The following NALF1 variants were observed in gnomAD, a reference collection of about 807,000 sequenced individuals.
The protein encoded by NALF1 is family with sequence similarity 155 member A.
NALF1 carries 3 observed loss-of-function variants against 48.4 expected under a neutral mutation model. The observed-to-expected ratio is 0.06, with a 90% CI of 0.03 to 0.16. The LOEUF (loss-of-function observed/expected upper bound fraction) is 0.16. NALF1 is among the 10% of genes least tolerant of loss of function. NALF1 has a pLI of 1.00. For synonymous variants in NALF1, 262 were observed against 245.7 expected (o/e 1.07, Z -0.62); for missense variants, 526 against 571.5 (o/e 0.92, Z 0.81).
chr13:107,643,940 T>TC (rs1880233770), intron 1 of NALF1, among the ~76,000 whole-genome samples: 1 of 149,756 alleles, frequency 6.7e-6, no homozygotes, highest in African/African-American at 2.5e-5. Flanking sequence ...CTGAAACTCC[T>TC]CCTGCCACTG....
chr13:107,762,675 G>C (rs1474707829), intron 1 of NALF1, among the ~76,000 whole-genome samples: 3 of 152,136 alleles, frequency 2.0e-5, no homozygotes, highest in Non-Finnish European at 4.4e-5. Flanking sequence ...GGGCTGGAGG[G>C]AGGACATACA....
intron 1 of NALF1, among the ~76,000 whole-genome samples, chr13:107,544,107 G>C (rs1877071203): frequency 6.6e-6 from 1 of 152,068 alleles, no homozygotes; most frequent in African/African-American, 2.4e-5. Flanking sequence ...GAATTAATGA[G>C]ATAATTGAAA....
intron 1 of NALF1, among the ~76,000 whole-genome samples, chr13:107,398,182 C>A (rs897228281): frequency 6.6e-6 from 1 of 152,112 alleles, no homozygotes; most frequent in Admixed American, 6.6e-5. Flanking sequence ...GAATCTTGCT[C>A]CTTGCAAAAC....
At chr13:107,580,216 A>C (rs1007552865) in intron 1 of NALF1, among the ~76,000 whole-genome samples, 3 of 152,166 alleles carry the variant, frequency 2.0e-5, no homozygotes, top group Non-Finnish European at 2.9e-5. Context: ...CAAACACCGC[A>C]TATTCTCACT....
intron 1 of NALF1, among the ~76,000 whole-genome samples, chr13:107,612,165 G>A (rs1353180839): frequency 2.2e-5 from 3 of 139,128 alleles, no homozygotes; most frequent in Non-Finnish European, 3.1e-5. Context: ...GAGGGAGAGA[G>A]GAAGGAAGGA....
intron 1 of NALF1, among the ~76,000 whole-genome samples, chr13:107,496,981 C>T (rs1875360219): frequency 6.6e-6 from 1 of 152,104 alleles, no homozygotes; most frequent in African/African-American, 2.4e-5. Flanking sequence ...CAGAGCCAAA[C>T]CATATCAGGA....
chr13:107,194,008 TTATCTATCTATCTATC>T (rs71772534), intron 2 of NALF1, among the ~76,000 whole-genome samples: 2,791 of 138,978 alleles, frequency 0.02, 41 homozygotes, highest in Admixed American at 0.027. Flanking sequence ...CCTATCTATC[TTATCTATCTATCTATC>T]TATCTATCTA....
intron 1 of NALF1, among the ~76,000 whole-genome samples, chr13:107,633,463 G>T (rs1245898748): frequency 1.3e-4 from 20 of 151,746 alleles, no homozygotes; most frequent in Admixed American, 1.3e-3. Context: ...TTTTATAGAT[G>T]ATCTTTGTGA....
At chr13:107,341,413 T>C (rs1418449613) in intron 1 of NALF1, among the ~76,000 whole-genome samples, 2 of 151,972 alleles carry the variant, frequency 1.3e-5, no homozygotes, top group Non-Finnish European at 2.9e-5. Context: ...TGCATTGCTG[T>C]TAAGAGGGGA....
chr13:107,667,450 T>G (rs1880888613), intron 1 of NALF1, among the ~76,000 whole-genome samples: 1 of 152,074 alleles, frequency 6.6e-6, no homozygotes, highest in South Asian at 2.1e-4. Context: ...TTCTTTTGGT[T>G]ATTTAAAATT....
At chr13:107,740,371 T>A (rs894455540) in intron 1 of NALF1, among the ~76,000 whole-genome samples, 3 of 152,192 alleles carry the variant, frequency 2.0e-5, no homozygotes, top group Non-Finnish European at 4.4e-5. Flanking sequence ...CTGTGAGGCA[T>A]CTGTTGGTAA....
intron 1 of NALF1, among the ~76,000 whole-genome samples, chr13:107,556,753 T>C (rs1877496218): frequency 6.6e-6 from 1 of 152,158 alleles, no homozygotes; most frequent in Admixed American, 6.5e-5. Context: ...CCCAAAGTAC[T>C]GGGATTACAT....
rs1227740846 is a variant in NALF1 at position 107,164,704 on chromosome 13, C to T, written c.*5793G>A. 1 of 151,918 alleles carries T rather than the reference C, an allele frequency of 6.6e-6. No homozygotes were observed. Among genetic ancestry groups the T allele is most frequent in the African/African-American group, 2.4e-5 (1 of 41,312 alleles). The allele number at this position is 151,918 out of a possible 1,614,324, so 9.4% of individuals were successfully genotyped here. A position where few individuals can be genotyped will look rare whatever the true frequency, so the allele number is the denominator to read the frequency against. Reference sequence around the variant, plus strand: ...TTATATTAAAAGTCATCAGAGCTCACTTTAGTTCTGTAATATATGTTAAGA... The same window carrying T: ...TTATATTAAAAGTCATCAGAGCTCATTTTAGTTCTGTAATATATGTTAAGA... On this transcript the variant is annotated 3_prime_UTR_variant, in exon 3 of 3. Coordinates refer to ENST00000375915, the MANE Select transcript of NALF1 (RefSeq NM_001080396.3).
chr13:107,656,376 A>G (rs1880575538), intron 1 of NALF1, among the ~76,000 whole-genome samples: 1 of 152,162 alleles, frequency 6.6e-6, no homozygotes, highest in Non-Finnish European at 1.5e-5. Flanking sequence ...CCCAAAAAAC[A>G]TATACAAATC....
intron 1 of NALF1, among the ~76,000 whole-genome samples, chr13:107,861,659 C>G (rs1252563594): frequency 1.3e-5 from 2 of 152,158 alleles, no homozygotes; most frequent in African/African-American, 4.8e-5. Context: ...TGGCGCGCAC[C>G]TGTAGTCCCA....
chr13:107,586,503 A>C lies in NALF1; in HGVS notation c.915+279179T>G, dbSNP rs192843564. 1.6e-3 allele frequency among the ~76,000 whole-genome samples: 237 copies of C among 149,858 alleles called. 1 individual carries two copies. The highest frequency in any genetic ancestry group is 5.4e-3 in the African/African-American group (224 of 41,392). ...TATGAGTCCATTTCAAATTTTTTAA[A>C]GGCTATTTAAATAAATCATTGTATT... On this transcript the variant is annotated intron_variant, in intron 1 of 2. Transcript: ENST00000375915.
chr13:107,824,054 C>G (rs1033136271), intron 1 of NALF1, among the ~76,000 whole-genome samples: 2 of 151,786 alleles, frequency 1.3e-5, no homozygotes, highest in African/African-American at 4.8e-5. Flanking sequence ...TTTTCCTTAT[C>G]CTGTGTACCA....
At chr13:107,672,893 C>T (rs1202491493) in intron 1 of NALF1, among the ~76,000 whole-genome samples, 1 of 152,122 alleles carries the variant, frequency 6.6e-6, no homozygotes, top group Non-Finnish European at 1.5e-5. Flanking sequence ...ACCTCATCTT[C>T]GCCTTTTTCT....
At chr13:107,515,504 G>A (rs1326653407) in intron 1 of NALF1, among the ~76,000 whole-genome samples, 4 of 152,182 alleles carry the variant, frequency 2.6e-5, no homozygotes, top group African/African-American at 9.7e-5. Context: ...TAGCTAACCA[G>A]AGACCTGCCC....
Sources: gnomAD v4.1 joint callset for allele counts (sites outside exome capture counted in the v4.1 genomes callset) on GRCh38, gnomAD v4.1.1 for gene constraint, MANE v1.5 for transcripts, NCBI Gene and HGNC (gene_info 2026-07-23, HGNC 2026-07-21) for gene names.